The following RAB31 variants were observed in gnomAD, a reference collection of about 807,000 sequenced individuals.
The protein encoded by RAB31 is ras-related protein Rab-31.
Under a neutral mutation model 25.6 loss-of-function variants are expected in RAB31, and 21 were observed. The ratio of observed to expected loss-of-function variants is 0.82; its 90% CI spans 0.58 to 1.18. The LOEUF is 1.18. RAB31 is among the 50% of genes most tolerant of loss of function. The pLI is 0.00. For missense variants in RAB31, 196 were observed against 250.1 expected (o/e 0.78, Z 1.46); for synonymous variants, 87 against 84.0 (o/e 1.04, Z -0.20).
At chr18:9,839,194 G>C (rs960344786) in intron 5 of RAB31, among the ~76,000 whole-genome samples, 1 of 152,212 alleles carries the variant, frequency 6.6e-6, no homozygotes, top group Non-Finnish European at 1.5e-5. Flanking sequence ...GGGGTTGCCA[G>C]ACTGAGCTCT....
chr18:9,824,816 C>T (rs1198494835), intron 5 of RAB31, among the ~76,000 whole-genome samples: 1 of 152,192 alleles, frequency 6.6e-6, no homozygotes, highest in Non-Finnish European at 1.5e-5. Flanking sequence ...TCTTGAACAA[C>T]CCTAAACAAA....
chr18:9,751,939 A>G (rs2068237196), intron 1 of RAB31, among the ~76,000 whole-genome samples: 1 of 152,210 alleles, frequency 6.6e-6, no homozygotes, highest in Non-Finnish European at 1.5e-5. Context: ...AAAGGCAGGA[A>G]CACAGCTGGG....
chr18:9,786,032 C>G (rs2068430415), intron 2 of RAB31, among the ~76,000 whole-genome samples: 1 of 140,916 alleles, frequency 7.1e-6, no homozygotes, highest in African/African-American at 2.7e-5. Flanking sequence ...GCGTGGGCGA[C>G]AGAGTCAGAC....
intron 1 of RAB31, among the ~76,000 whole-genome samples, chr18:9,732,882 T>C (rs2068130621): frequency 6.6e-6 from 1 of 152,230 alleles, no homozygotes; most frequent in East Asian, 1.9e-4. Flanking sequence ...CTCATCTTAC[T>C]GAGCATAATA....
intron 3 of RAB31, among the ~76,000 whole-genome samples, chr18:9,797,084 C>T (rs1363736082): frequency 6.6e-6 from 1 of 152,200 alleles, no homozygotes; most frequent in Non-Finnish European, 1.5e-5. Flanking sequence ...GAAGCAGCTG[C>T]CTGGGGCACC....
At chr18:9,768,746 G>T (rs1027098798) in intron 1 of RAB31, among the ~76,000 whole-genome samples, 7 of 152,238 alleles carry the variant, frequency 4.6e-5, no homozygotes, top group Non-Finnish European at 8.8e-5. Flanking sequence ...ATCGCTTTTG[G>T]TATTTTAGTC....
intron 2 of RAB31, among the ~76,000 whole-genome samples, chr18:9,786,221 TAAAAG>T (rs1379713831): frequency 1.3e-5 from 2 of 151,944 alleles, no homozygotes; most frequent in Non-Finnish European, 2.9e-5. Flanking sequence ...CATAAAAACT[TAAAAG>T]AAAAGTGTTC....
At chr18:9,827,090 A>G (rs1175741301) in intron 5 of RAB31, among the ~76,000 whole-genome samples, 2 of 151,954 alleles carry the variant, frequency 1.3e-5, no homozygotes, top group African/African-American at 2.4e-5. Context: ...TCTTGGCTCT[A>G]CACAAATCCC....
intron 2 of RAB31, among the ~76,000 whole-genome samples, chr18:9,779,098 G>C (rs760813915): frequency 4.6e-5 from 7 of 152,114 alleles, no homozygotes; most frequent in Non-Finnish European, 1.5e-5. Context: ...AGAAGGGATC[G>C]AATTAGAAGT....
intron 1 of RAB31, among the ~76,000 whole-genome samples, chr18:9,750,547 G>A (rs544969660): frequency 4.4e-4 from 67 of 152,250 alleles, no homozygotes; most frequent in African/African-American, 1.3e-3. Context: ...CTGCTCTGGC[G>A]GATTGGCCAG....
At chr18:9,839,368 C>T (rs1013369169) in intron 5 of RAB31, among the ~76,000 whole-genome samples, 1 of 152,126 alleles carries the variant, frequency 6.6e-6, no homozygotes, top group Non-Finnish European at 1.5e-5. Context: ...GTTTGATTCT[C>T]CAGCAATCAG....
chr18:9,790,667 C>T (rs1171555241), intron 2 of RAB31, among the ~76,000 whole-genome samples: 1 of 152,184 alleles, frequency 6.6e-6, no homozygotes, highest in African/African-American at 2.4e-5. Flanking sequence ...TTCTGGTTTG[C>T]TTCTCATGAC....
intron 2 of RAB31, among the ~76,000 whole-genome samples, chr18:9,776,828 AGAGAGAGAC>A (rs1304785588): frequency 6.6e-6 from 1 of 152,178 alleles, no homozygotes; most frequent in African/African-American, 2.4e-5. Context: ...CCTCAGCTAC[AGAGAGAGAC>A]TCTCCCCTCC....
chr18:9,725,839 C>T (rs1242058248), intron 1 of RAB31, among the ~76,000 whole-genome samples: 1 of 152,140 alleles, frequency 6.6e-6, no homozygotes, highest in Non-Finnish European at 1.5e-5. Flanking sequence ...GAGGCAAAGT[C>T]CAGTATCAGA....
rs572635330 is a variant in RAB31, at chr18:9,828,494, G to A, written c.380+13272G>A. On this transcript the variant is annotated intron_variant, in intron 5 of 6. Coordinates refer to ENST00000578921, the MANE Select transcript of RAB31 (RefSeq NM_006868.4). Reference sequence around the variant, plus strand: ...CTGTGCAATCTATAGCTGGAAACCAGGGTGAGCCTGTGCTTCCATAGTGTA... The same window carrying A: ...CTGTGCAATCTATAGCTGGAAACCAAGGTGAGCCTGTGCTTCCATAGTGTA... 1.3e-4 allele frequency among the ~76,000 whole-genome samples: 20 copies of A among 152,284 alleles called. No individual in the cohort carries two copies. In the South Asian group the frequency reaches 3.3e-3, roughly 25 times the overall value.
Position 9,859,376 on chromosome 18 carries a change from T to A in RAB31, c.*51T>A, listed in dbSNP as rs1289718024. 3 of 1,503,990 alleles carry A rather than the reference T, an allele frequency of 2.0e-6. No homozygotes were observed. The East Asian group carries it at 6.8e-5, about 34-fold the overall frequency. 93.2% of individuals were successfully genotyped at this position (1,503,990 alleles called of 1,614,324 possible). A position where few individuals can be genotyped will look rare whatever the true frequency, so the allele number is the denominator to read the frequency against. On this transcript the variant is annotated 3_prime_UTR_variant, in exon 7 of 7. Transcript: ENST00000578921. Reference sequence around the variant, plus strand: ...TGAAGAAGCCAGAGCCCACATCCTGTGCACTGCTGAAGGACCCTACGCTCG... The same window carrying A: ...TGAAGAAGCCAGAGCCCACATCCTGAGCACTGCTGAAGGACCCTACGCTCG...
At chr18:9,740,666 T>C (rs1212022999) in intron 1 of RAB31, among the ~76,000 whole-genome samples, 2 of 151,996 alleles carry the variant, frequency 1.3e-5, no homozygotes, top group Non-Finnish European at 2.9e-5. Context: ...TGAGCCAAGA[T>C]TGCACCACTG....
At chr18:9,789,215 T>A (rs2068447865) in intron 2 of RAB31, among the ~76,000 whole-genome samples, 1 of 152,172 alleles carries the variant, frequency 6.6e-6, no homozygotes, top group Non-Finnish European at 1.5e-5. Flanking sequence ...TTGTAGTTAT[T>A]AGAAGCTGGG....
At chr18:9,856,541 A>T (rs1320043020) in intron 6 of RAB31, among the ~76,000 whole-genome samples, 1 of 152,230 alleles carries the variant, frequency 6.6e-6, no homozygotes, top group African/African-American at 2.4e-5. Context: ...GAGGGCTAAA[A>T]AGCTAATGCT....
Sources: allele counts gnomAD v4.1 joint callset (sites outside exome capture counted in the v4.1 genomes callset), GRCh38; gene constraint gnomAD v4.1.1; transcripts MANE v1.5; gene names NCBI Gene and HGNC (gene_info 2026-07-23, HGNC 2026-07-21).